Variants in KRT85 observed in about 807,000 individuals in gnomAD.
KRT85 encodes the protein keratin 85.
Under a neutral mutation model 53.7 loss-of-function variants are expected in KRT85, and 39 were observed. The ratio of observed to expected loss-of-function variants is 0.73; its 90% CI spans 0.56 to 0.95. KRT85 has a LOEUF of 0.95. Among genes scored for constraint, KRT85 ranks in the 40% least tolerant of loss-of-function variants. The pLI, the probability that KRT85 is intolerant of heterozygous loss-of-function variation, is 0.00. For missense variants in KRT85, 668 were observed against 686.0 expected (o/e 0.97, Z 0.29); for synonymous variants, 291 against 277.5 (o/e 1.05, Z -0.48).
intron 2 of KRT85, 156 bp from the exon 3 acceptor site, chr12:52,364,522 C>T (rs940084574): frequency 2.0e-6 from 3 of 1,505,110 alleles, no homozygotes; most frequent in African/African-American, 2.8e-5. Context: ...TATTCATGGG[C>T]CAGCCCTTGT....
chr12:52,367,450 G>C lies in KRT85; in HGVS notation c.-45C>G, dbSNP rs1282711991. Reference sequence around the variant, plus strand: ...TCTGAGAGGCAGCGGAAGGTGGTGCGGGCGGCAGAGTGCGAGGCTCAGGAT... The same window carrying C: ...TCTGAGAGGCAGCGGAAGGTGGTGCCGGCGGCAGAGTGCGAGGCTCAGGAT... On this transcript the variant is annotated 5_prime_UTR_variant, in exon 1 of 9. Coordinates refer to ENST00000257901, the MANE Select transcript of KRT85 (RefSeq NM_002283.4). 1.3e-6 allele frequency: 2 copies of C among 1,599,388 alleles called. No individual in the cohort carries two copies. The highest frequency in any genetic ancestry group is 2.7e-5 in the African/African-American group (2 of 74,618).
At chr12:52,363,850 C>T (rs148540884) in intron 4 of KRT85, among the ~76,000 whole-genome samples, 100 of 152,350 alleles carry the variant, frequency 6.6e-4, no homozygotes, top group African/African-American at 2.3e-3. Flanking sequence ...GTCACAGACA[C>T]AGAGCAGCCC....
chr12:52,363,540 A>G (rs1378389183), intron 4 of KRT85, 130 bp from the exon 5 acceptor site: 2 of 945,964 alleles, frequency 2.1e-6, no homozygotes, highest in Non-Finnish European at 3.4e-6. Flanking sequence ...TGCTCCTACC[A>G]CCTTCACTCA....
At chr12:52,365,216 G>T in intron 1 of KRT85, 46 bp from the exon 2 acceptor site, 2 of 1,591,500 alleles carry the variant, frequency 1.3e-6, no homozygotes, top group Non-Finnish European at 1.7e-6. Flanking sequence ...CCTGGGGGGA[G>T]GCACCTGGTC....
At position 52,361,537 on chromosome 12, in the gene KRT85, G is replaced by A. The variant is rs758491830; in HGVS notation, c.1299-39C>T. ...AAACTCTGTTAGTTCCAGACACTGA[G>A]TTGGATTCCTTGAGACTGATGGTTG... is the stretch of plus-strand genomic sequence containing the variant. On this transcript the variant is annotated intron_variant, in intron 7 of 8. Transcript: ENST00000257901. The A allele has an allele frequency of 1.6e-5, 26 of 1,599,570 alleles. No homozygotes were observed. The Middle Eastern group carries it at 5.0e-4, about 30-fold the overall frequency.
intron 1 of KRT85, among the ~76,000 whole-genome samples, chr12:52,365,421 C>A (rs1392467768): frequency 6.6e-6 from 1 of 152,210 alleles, no homozygotes; most frequent in Non-Finnish European, 1.5e-5. Flanking sequence ...GTTTAACCTC[C>A]TGGGGCTCAG....
At chr12:52,364,907 C>G (rs1939248917) in intron 2 of KRT85, 55 bp downstream of exon 2, 1 of 1,611,472 alleles carries the variant, frequency 6.2e-7, no homozygotes, top group African/African-American at 1.3e-5. Flanking sequence ...ATGGGCAGAG[C>G]CTCCCAGCAT....
chr12:52,360,602 T>C lies in KRT85; in HGVS notation c.*251A>G. On this transcript the variant is annotated 3_prime_UTR_variant, in exon 9 of 9. Transcript: ENST00000257901. ...AAATTGGATACAGGTATTTTGGAGC[T>C]AAGTAGGAGTTAAGTGAAGGGCTGG... The C allele has an allele frequency of 1.7e-6, 1 of 572,086 alleles. No homozygotes were observed. Among genetic ancestry groups the C allele is most frequent in the South Asian group, 2.0e-5 (1 of 49,818 alleles). 35.4% of individuals were successfully genotyped at this position (572,086 alleles called of 1,614,324 possible).
Position 52,367,307 on chromosome 12 carries a change from G to T in KRT85, c.99C>A (p.Cys33Ter). The change falls in exon 1 of 9, where the codon TGC (cysteine) becomes TGA (stop). Residue 33 changes from cysteine (C) to a stop codon, truncating the protein, a stop_gained. Coordinates refer to ENST00000257901, the MANE Select transcript of KRT85 (RefSeq NM_002283.4). LOFTEE classifies it high-confidence loss of function. ...AVAPKTGNRC[C>*]ISAAPYRGVS... is the part of the protein sequence containing the mutation. ...CCCCTCGGTAGGGGGCGGCGCTGAT[G>T]CAGCAGCGGTTGCCAGTTTTGGGGG... 1 of 1,613,810 alleles carries T rather than the reference G, an allele frequency of 6.2e-7. No individual in the cohort carries two copies. Among genetic ancestry groups the T allele is most frequent in the Non-Finnish European group, 8.5e-7 (1 of 1,179,806 alleles).
intron 7 of KRT85, among the ~76,000 whole-genome samples, chr12:52,361,769 C>T (rs146927939): frequency 8.5e-5 from 13 of 152,154 alleles, no homozygotes; most frequent in African/African-American, 3.1e-4. Flanking sequence ...GCCAATCAAG[C>T]TCACAGGAAG....
chr12:52,365,607 C>T (rs1467396941), intron 1 of KRT85, among the ~76,000 whole-genome samples: 2 of 152,204 alleles, frequency 1.3e-5, no homozygotes, highest in African/African-American at 4.8e-5. Flanking sequence ...ATGCAACAAA[C>T]ACTTATTAAA....
intron 8 of KRT85, 25 bp from the exon 9 acceptor site, chr12:52,361,071 G>T: frequency 6.3e-7 from 1 of 1,582,010 alleles, no homozygotes; most frequent in Non-Finnish European, 8.6e-7. Flanking sequence ...GACATGGAGG[G>T]GTGAGCAGCT....
chr12:52,366,934 C>G, intron 1 of KRT85, 52 bp downstream of exon 1: 3 of 1,613,662 alleles, frequency 1.9e-6, no homozygotes, highest in Non-Finnish European at 1.7e-6. Flanking sequence ...GGGACCTCCC[C>G]AAGGGAGGAC....
rs1326628323 is a variant in KRT85 at position 52,367,212 on chromosome 12, C to T, written c.194G>A (p.Arg65Gln). 2 of 1,613,614 alleles carry T rather than the reference C, an allele frequency of 1.2e-6. No individual in the cohort carries two copies. The highest frequency in any genetic ancestry group is 2.2e-5 in the East Asian group (1 of 44,868). ...GGCTCGGAAGCCACCTACAGCTATCCGGGGCCCGCAGGAGCCCAGGTTGCA... is the reference window on the plus strand; with the variant it reads ...GGCTCGGAAGCCACCTACAGCTATCTGGGGCCCGCAGGAGCCCAGGTTGCA... Reference protein sequence around the residue: ...SLCNLGSCGPRIAVGGFRAGS... With the variant: ...SLCNLGSCGPQIAVGGFRAGS... Residue 65 changes from arginine to glutamine, a missense_variant, in exon 1 of 9, where the codon CGG becomes CAG. Around this residue, in one of 3 missense-constraint regions of KRT85, gnomAD observed 158 missense variants for 141.8 expected, o/e 1.11. Transcript: ENST00000257901.
Position 52,364,324 on chromosome 12 carries a change from C to T in KRT85, c.672G>A (p.Glu224=). ...EVALRATAEN[E]FVVLKKDVDC... is the part of the protein sequence containing the mutation. Reference sequence around the variant, plus strand: ...CCCTCACCTTCTTTAGAACGACAAACTCATTCTCTGCTGTGGCTCTCAGGG... The same window carrying T: ...CCCTCACCTTCTTTAGAACGACAAATTCATTCTCTGCTGTGGCTCTCAGGG... Residue 224 remains glutamate (E), a synonymous_variant, in exon 3 of 9, where the codon GAG becomes GAA. Coordinates refer to ENST00000257901, the MANE Select transcript of KRT85 (RefSeq NM_002283.4). The T allele has an allele frequency of 1.9e-6, 3 of 1,614,202 alleles. No homozygotes were observed. Among genetic ancestry groups the T allele is most frequent in the Non-Finnish European group, 2.5e-6 (3 of 1,180,028 alleles).
rs763184054 is a variant in KRT85, at chr12:52,362,346, G to A, written c.1203C>T (p.Cys401=). 3.1e-6 allele frequency: 5 copies of A among 1,614,196 alleles called. No homozygotes were observed. Among genetic ancestry groups the A allele is most frequent in the Non-Finnish European group, 3.4e-6 (4 of 1,180,028 alleles). The change falls in exon 7 of 9, where the codon TGC becomes TGT. Residue 401 remains cysteine (C), a synonymous_variant. Transcript: ENST00000257901. ...TCACCTCCTGGTACTCCTTGAGCAG[G>A]CAGGCCATGTCCTGCTTGGCCTTCT... is the stretch of plus-strand genomic sequence containing the variant. ...ALQKAKQDMA[C]LLKEYQEVMN...
In KRT85 at chr12:52,364,298, C is replaced by T. The variant is rs1360135900; in HGVS notation, c.690+8G>A. 4 of 1,614,188 alleles carry T rather than the reference C, an allele frequency of 2.5e-6. No individual in the cohort carries two copies. The Admixed American group carries it at 6.7e-5, about 27-fold the overall frequency. On this transcript the variant is annotated splice_region_variant and intron_variant, in intron 3 of 8. Coordinates refer to ENST00000257901, the MANE Select transcript of KRT85 (RefSeq NM_002283.4). ...CCCCTCCTCCTTGCCCCATGACCAG[C>T]CCCTCACCTTCTTTAGAACGACAAA...
chr12:52,363,219 A>G (rs1477171720), intron 5 of KRT85, 27 bp downstream of exon 5: 3 of 1,613,580 alleles, frequency 1.9e-6, no homozygotes, highest in Non-Finnish European at 2.5e-6. Flanking sequence ...TGCCATGCTT[A>G]GCAGGCAGGT....
rs1939183662 is a variant in KRT85 at position 52,361,042 on chromosome 12, G to A, written c.1335C>T (p.Val445=). Residue 445 remains valine, a synonymous_variant, in exon 9 of 9, where the codon GTC becomes GTT. Transcript: ENST00000257901. ...CEGVGSVNVC[V]SSSRGGVSCG... is the part of the protein sequence containing the mutation. ...AGGAGACTCCACCACGGGAGCTGCT[G>A]ACACCTGTGGAGAGAGGAGACATGG... The A allele has an allele frequency of 6.2e-7, 1 of 1,610,854 alleles. No homozygotes were observed. The highest frequency in any genetic ancestry group is 2.2e-5 in the East Asian group (1 of 44,764).
Sources: allele counts gnomAD v4.1 joint callset (sites outside exome capture counted in the v4.1 genomes callset), GRCh38; gene constraint gnomAD v4.1.1; regional missense constraint gnomAD v4.1.1; transcripts MANE v1.5; gene names NCBI Gene and HGNC (gene_info 2026-07-23, HGNC 2026-07-21).